Variants in TEX11 observed in about 807,000 individuals in gnomAD.
TEX11 encodes the protein testis-expressed protein 11.
Under a neutral mutation model 84.4 loss-of-function variants are expected in TEX11, and 7 were observed. That is an observed-to-expected ratio of 0.08 (90% CI 0.05 to 0.16). The LOEUF (loss-of-function observed/expected upper bound fraction) is 0.16. TEX11 is among the 10% of genes least tolerant of loss of function. The probability of loss-of-function intolerance (pLI) is 1.00; values close to 1 mark genes in which losing one functional copy is unlikely to be tolerated. For synonymous variants in TEX11, 264 were observed against 222.8 expected, an observed-to-expected ratio of 1.18 and a Z score of -1.64; for missense variants, 551 against 660.5, an observed-to-expected ratio of 0.83 and a Z score of 1.82.
chrX:70,838,588 C>T (rs57282312), intron 7 of TEX11, among the ~76,000 whole-genome samples: 4,006 of 112,069 alleles, frequency 0.036, 174 homozygotes, highest in African/African-American at 0.12. Flanking sequence ...TTCTGCATTT[C>T]CAACTGAGGT....
At position 70,530,346 on chromosome X, in the gene TEX11, C is replaced by T. The variant is rs921034638; in HGVS notation, c.2521-347G>A. ...AGTCAATTACCTCCCTAATACCTAC[C>T]TCTACTTTTCGGATAAGGTTGTCAA... On this transcript the variant is annotated intron_variant, in intron 28 of 29. Transcript: ENST00000374333. 4.5e-5 allele frequency among the ~76,000 whole-genome samples: 5 copies of T among 111,964 alleles called. No individual in the cohort carries two copies. In the East Asian group the frequency reaches 1.4e-3, roughly 31 times the overall value.
intron 17 of TEX11, among the ~76,000 whole-genome samples, chrX:70,634,796 C>A (rs7887733): frequency 0.079 from 8,713 of 110,913 alleles, 428 homozygotes; most frequent in Admixed American, 0.24. Flanking sequence ...AAATGTAAAC[C>A]TAAAACTGTA....
intron 4 of TEX11, among the ~76,000 whole-genome samples, chrX:70,870,296 G>T (rs1171935215): frequency 3.6e-5 from 4 of 111,169 alleles, no homozygotes; most frequent in Non-Finnish European, 7.5e-5. Flanking sequence ...ACCCTATACG[G>T]AGAATGCACT....
intron 16 of TEX11, among the ~76,000 whole-genome samples, chrX:70,666,474 T>C (rs1006204947): frequency 1.8e-5 from 2 of 111,180 alleles, no homozygotes; most frequent in African/African-American, 3.3e-5. Context: ...AGTAGGTTGT[T>C]ATAAAGCCAG....
chrX:70,789,902 T>C, intron 9 of TEX11, among the ~76,000 whole-genome samples: 1 of 111,924 alleles, frequency 8.9e-6, no homozygotes, highest in Non-Finnish European at 1.9e-5. Flanking sequence ...AACAAATAAA[T>C]GGATTAAAAA....
At chrX:70,709,195 GA>G (rs1343940742) in intron 13 of TEX11, among the ~76,000 whole-genome samples, 1 of 111,416 alleles carries the variant, frequency 9.0e-6, no homozygotes, top group African/African-American at 3.2e-5. Context: ...CAGGAGAAGA[GA>G]AAGATCTAGG....
chrX:70,599,935 T>G (rs1165931638), intron 24 of TEX11, among the ~76,000 whole-genome samples: 1 of 108,135 alleles, frequency 9.2e-6, no homozygotes, highest in Non-Finnish European at 1.9e-5. Context: ...GACATTTGGG[T>G]TGGTTCCTAG....
chrX:70,704,195 C>T (rs2090350346), intron 13 of TEX11, among the ~76,000 whole-genome samples: 1 of 109,664 alleles, frequency 9.1e-6, no homozygotes, highest in Non-Finnish European at 1.9e-5. Context: ...AGTAAAAGTT[C>T]CCTGAGGTCT....
chrX:70,655,303 T>C lies in TEX11; in HGVS notation c.1381-3751A>G, dbSNP rs994704002. On this transcript the variant is annotated intron_variant, in intron 16 of 29. Transcript: ENST00000374333. ...GTGTATATAGGTGGTCTCCGTCTTA[T>C]GATTTTTTGACTTTACCACGGGTTT... Among the ~76,000 whole-genome samples, 25 of 111,282 alleles carry C rather than the reference T, an allele frequency of 2.2e-4. No homozygotes were observed. The Admixed American group carries it at 2.4e-3, about 11-fold the overall frequency.
intron 17 of TEX11, among the ~76,000 whole-genome samples, chrX:70,639,839 G>A (rs748326761): frequency 4.6e-4 from 51 of 111,528 alleles, no homozygotes; most frequent in African/African-American, 1.6e-3. Context: ...CAGAAAAACT[G>A]GAAACTCTAA....
chrX:70,738,919 G>A (rs2090715292), intron 11 of TEX11, among the ~76,000 whole-genome samples: 1 of 110,235 alleles, frequency 9.1e-6, no homozygotes, highest in Non-Finnish European at 1.9e-5. Context: ...TGGACACAGG[G>A]AGGGGAACAT....
rs1017976859 is a variant in TEX11 at position 70,729,630 on chromosome X, A to T, written c.844-4287T>A. Among the ~76,000 whole-genome samples, 8 of 111,703 alleles carry T rather than the reference A, an allele frequency of 7.2e-5. No homozygotes were observed. In the Admixed American group the frequency reaches 7.6e-4, roughly 11 times the overall value. On this transcript the variant is annotated intron_variant, in intron 11 of 29. Coordinates refer to ENST00000374333, the MANE Select transcript of TEX11 (RefSeq NM_031276.3). ...GAGAAAAAAGAATAAAAAGAAATGA[A>T]AAAAGCCTCCAAGAAATATGGGACT...
intron 11 of TEX11, among the ~76,000 whole-genome samples, chrX:70,734,051 A>G (rs1000780515): frequency 1.8e-5 from 2 of 110,840 alleles, no homozygotes; most frequent in Non-Finnish European, 3.8e-5. Flanking sequence ...AACTATCGCA[A>G]GGACAAAAAA....
intron 25 of TEX11, among the ~76,000 whole-genome samples, chrX:70,583,916 A>G (rs1355519175): frequency 8.9e-6 from 1 of 112,078 alleles, no homozygotes; most frequent in Non-Finnish European, 1.9e-5. Context: ...TTTACCTTCC[A>G]AAAATTGAAT....
chrX:70,678,712 G>A (rs1484760685), intron 15 of TEX11, 92 bp downstream of exon 15: 8 of 650,053 alleles, frequency 1.2e-5, no homozygotes, highest in Admixed American at 6.7e-5. Context: ...AGAGATTATT[G>A]AAGTATTTGA....
chrX:70,563,994 C>T (rs1392574624), intron 25 of TEX11, among the ~76,000 whole-genome samples: 5 of 111,833 alleles, frequency 4.5e-5, no homozygotes, highest in African/African-American at 1.6e-4. Flanking sequence ...TTTGGGAGGC[C>T]GAGGCGGGCG....
chrX:70,802,548 A>G (rs1249283983), intron 9 of TEX11, among the ~76,000 whole-genome samples: 1 of 111,107 alleles, frequency 9.0e-6, no homozygotes, highest in Non-Finnish European at 1.9e-5. Flanking sequence ...GGGGAAAAGA[A>G]AGTAGTAGGA....
rs868218060 is a variant in TEX11 at position 70,603,394 on chromosome X, C to T, written c.2067+2007G>A. Among the ~76,000 whole-genome samples the T allele has an allele frequency of 1.2e-4, 12 of 101,514 alleles. 1 individual carries two copies. In the South Asian group the frequency reaches 2.4e-3, roughly 20 times the overall value. 88.2% of individuals were successfully genotyped at this position (101,514 alleles called of 115,157 possible). A position where few individuals can be genotyped will look rare whatever the true frequency, so the allele number is the denominator to read the frequency against. On this transcript the variant is annotated intron_variant, in intron 24 of 29. Transcript: ENST00000374333. ...AACAGAACAGAGCCCTCAGAAATAA[C>T]GCCGCATATCTACAACTCTCTGATC...
intron 20 of TEX11, among the ~76,000 whole-genome samples, chrX:70,612,920 G>GAA (rs34895426): frequency 9.0e-6 from 1 of 110,623 alleles, no homozygotes; most frequent in East Asian, 2.8e-4. Context: ...ACAAAATTCT[G>GAA]AAAAAAAGCC....
Sources: gnomAD v4.1 joint callset for allele counts (sites outside exome capture counted in the v4.1 genomes callset) on GRCh38, gnomAD v4.1.1 for gene constraint, MANE v1.5 for transcripts, NCBI Gene and HGNC (gene_info 2026-07-23, HGNC 2026-07-21) for gene names.